ZC3H7A: variants seen among roughly 807,000 people sequenced by gnomAD.
ZC3H7A encodes the protein zinc finger CCCH-type containing 7A, also known as zinc finger CCCH domain-containing protein 7A.
Under a neutral mutation model 125.5 loss-of-function variants are expected in ZC3H7A, and 44 were observed. The ratio of observed to expected loss-of-function variants is 0.35; its 90% CI spans 0.28 to 0.45. ZC3H7A has a LOEUF of 0.45. Among genes scored for constraint, ZC3H7A ranks in the 20% least tolerant of loss-of-function variants. The probability of loss-of-function intolerance (pLI) is 1.00; values close to 1 mark genes in which losing one functional copy is unlikely to be tolerated. For missense variants in ZC3H7A, 977 were observed against 1,170.7 expected (o/e 0.83, Z 2.41); for synonymous variants, 399 against 391.2 (o/e 1.02, Z -0.23).
At chr16:11,789,739 C>T (rs941928703) in intron 1 of ZC3H7A, among the ~76,000 whole-genome samples, 1 of 151,992 alleles carries the variant, frequency 6.6e-6, no homozygotes, top group African/African-American at 2.4e-5. Flanking sequence ...TAAAGGTCAC[C>T]ATGTACACAG....
chr16:11,791,982 G>A (rs2141222980), intron 1 of ZC3H7A, among the ~76,000 whole-genome samples: 1 of 152,272 alleles, frequency 6.6e-6, no homozygotes, highest in African/African-American at 2.4e-5. Flanking sequence ...CACAACCATA[G>A]CTCACTGCAG....
In ZC3H7A at chr16:11,752,663, A is replaced by G; in HGVS notation, c.2726+6T>C. Reference sequence around the variant, plus strand: ...TGACATGGAAAAATTGTAGAAACCTACATACCTATCACAAATACTGAAATA... The same window carrying G: ...TGACATGGAAAAATTGTAGAAACCTGCATACCTATCACAAATACTGAAATA... On this transcript the variant is annotated splice_donor_region_variant and intron_variant, in intron 22 of 22. Coordinates refer to ENST00000355758, the MANE Select transcript of ZC3H7A (RefSeq NM_014153.4). The G allele has an allele frequency of 6.2e-7, 1 of 1,609,872 alleles. No individual in the cohort carries two copies. The highest frequency in any genetic ancestry group is 8.5e-7 in the Non-Finnish European group (1 of 1,178,782).
At chr16:11,790,416 T>C (rs1277661061) in intron 1 of ZC3H7A, among the ~76,000 whole-genome samples, 1 of 152,232 alleles carries the variant, frequency 6.6e-6, no homozygotes, top group African/African-American at 2.4e-5. Context: ...GCTTTACTTA[T>C]TTATGGAAGC....
intron 15 of ZC3H7A, among the ~76,000 whole-genome samples, chr16:11,764,184 G>A (rs1262691809): frequency 2.6e-5 from 4 of 152,258 alleles, no homozygotes; most frequent in East Asian, 1.9e-4. Context: ...AGGCCAAGAC[G>A]GGTGGATCAC....
chr16:11,759,050 G>A (rs1439078763), intron 19 of ZC3H7A: 2 of 153,090 alleles, frequency 1.3e-5, no homozygotes, highest in Non-Finnish European at 2.9e-5. Flanking sequence ...ATTATCAGAA[G>A]ACAATTATCA....
rs562316925 is a variant in ZC3H7A, at chr16:11,785,841, G to A, written c.-34-3453C>T. On this transcript the variant is annotated intron_variant, in intron 1 of 22. Coordinates refer to ENST00000355758, the MANE Select transcript of ZC3H7A (RefSeq NM_014153.4). ...TCACCGCGTTAGCCAGGATGGTCTCGATCTCCTGACCTCATGATCTGCTCA... is the reference window on the plus strand; with the variant it reads ...TCACCGCGTTAGCCAGGATGGTCTCAATCTCCTGACCTCATGATCTGCTCA... Among the ~76,000 whole-genome samples, 111 of 152,248 alleles carry A rather than the reference G, an allele frequency of 7.3e-4. 1 individual carries two copies. Among genetic ancestry groups the A allele is most frequent in the Middle Eastern group, 3.4e-3 (1 of 294 alleles).
intron 11 of ZC3H7A, 142 bp downstream of exon 11, chr16:11,768,889 C>G: frequency 1.3e-6 from 1 of 785,554 alleles, no homozygotes; most frequent in African/African-American, 1.8e-5. Context: ...ACTAGATGTT[C>G]CAGAAGTCTT....
At position 11,776,912 on chromosome 16, in the gene ZC3H7A, G is replaced by A. The variant is rs1257045903; in HGVS notation, c.307-3C>T. The A allele has an allele frequency of 1.3e-6, 2 of 1,586,302 alleles. No homozygotes were observed. The highest frequency in any genetic ancestry group is 2.3e-5 in the South Asian group (2 of 86,076). On this transcript the variant is annotated splice_polypyrimidine_tract_variant and splice_region_variant and intron_variant, in intron 4 of 22. Transcript: ENST00000355758. ...TCCAAAACTTTATCATGGAAACCCT[G>A]GTGTGTAAGACCAAAGAATAAAGTC...
Position 11,758,430 on chromosome 16 carries a change from C to A in ZC3H7A, c.2428+1G>T. 1 of 1,605,890 alleles carries A rather than the reference C, an allele frequency of 6.2e-7. No individual in the cohort carries two copies. Among genetic ancestry groups the A allele is most frequent in the Non-Finnish European group, 8.5e-7 (1 of 1,172,600 alleles). On this transcript the variant is annotated splice_donor_variant, in intron 20 of 22. Transcript: ENST00000355758. LOFTEE classifies it high-confidence loss of function. The stretch of plus-strand genomic sequence containing the variant: ...AGGACACAGCTAAAAGATTAACTTA[C>A]TCCCATTCTCCTTCATGTAAGTCCA...
At chr16:11,763,839 T>G (rs1211679849) in intron 15 of ZC3H7A, among the ~76,000 whole-genome samples, 180 bp from the exon 16 acceptor site, 6 of 145,534 alleles carry the variant, frequency 4.1e-5, no homozygotes, top group Admixed American at 2.7e-4. Flanking sequence ...AGTCTCACTC[T>G]ATCGCCCAGG....
intron 20 of ZC3H7A, 25 bp downstream of exon 20, chr16:11,758,406 G>T (rs1296353836): frequency 1.9e-6 from 3 of 1,549,574 alleles, no homozygotes; most frequent in Non-Finnish European, 2.7e-6. Flanking sequence ...GCTAGCTCAA[G>T]GACACAGCTA....
Position 11,774,999 on chromosome 16 carries a change from A to G in ZC3H7A, c.600T>C (p.Ser200=). ...GDGATKALNH[S]VEDIEPDLLT... ...ACATACCTGGCTCAATATCTTCCAC[A>G]GAATGGTTCAAAGCCTAGAAATTAA... Residue 200 remains serine (S), a synonymous_variant, in exon 8 of 23, where the codon TCT becomes TCC. Coordinates refer to ENST00000355758, the MANE Select transcript of ZC3H7A (RefSeq NM_014153.4). 6.2e-7 allele frequency: 1 copy of G among 1,614,212 alleles called. No homozygotes were observed. The highest frequency in any genetic ancestry group is 2.2e-5 in the East Asian group (1 of 44,888).
chr16:11,775,763 TA>T (rs1437351666), intron 7 of ZC3H7A: 3 of 152,302 alleles, frequency 2.0e-5, no homozygotes, highest in African/African-American at 7.2e-5. Flanking sequence ...CACTGAAACC[TA>T]ACATCTATTA....
chr16:11,779,110 G>A lies in ZC3H7A; in HGVS notation c.306+56C>T. ...AATTGACTTTTTATTAATGTACTAA[G>A]TCATTGAAAAAATTCTTTTCACTCT... On this transcript the variant is annotated intron_variant, in intron 4 of 22. Transcript: ENST00000355758. 6 of 1,379,884 alleles carry A rather than the reference G, an allele frequency of 4.3e-6. No individual in the cohort carries two copies. In the South Asian group the frequency reaches 6.5e-5, roughly 15 times the overall value. The allele number at this position is 1,379,884 out of a possible 1,614,324, so 85.5% of individuals were successfully genotyped here.
At chr16:11,751,568 T>A (rs2141147685) in intron 22 of ZC3H7A, 62 bp from the exon 23 acceptor site, 1 of 1,508,732 alleles carries the variant, frequency 6.6e-7, no homozygotes, top group Non-Finnish European at 9.0e-7. Context: ...CGTGTCATGA[T>A]TCTTGAAACT....
chr16:11,795,226 C>T (rs1230756966), intron 1 of ZC3H7A, among the ~76,000 whole-genome samples: 1 of 152,154 alleles, frequency 6.6e-6, no homozygotes, highest in Non-Finnish European at 1.5e-5. Flanking sequence ...AACAGTTTGG[C>T]TCAGTATGAG....
rs994524960 is a variant in ZC3H7A at position 11,766,276 on chromosome 16, G to C, written c.1523-591C>G. Among the ~76,000 whole-genome samples the C allele has an allele frequency of 3.9e-5, 6 of 152,250 alleles. No homozygotes were observed. In the South Asian group the frequency reaches 8.3e-4, roughly 21 times the overall value. On this transcript the variant is annotated intron_variant, in intron 13 of 22. Transcript: ENST00000355758. ...TGAGACAGTCTTCTGTTTAAAATCT[G>C]GTCATAGGCCAAGCGTGGTGGCTCA...
intron 4 of ZC3H7A, among the ~76,000 whole-genome samples, chr16:11,778,165 G>A (rs965192020): frequency 7.2e-5 from 11 of 151,790 alleles, no homozygotes; most frequent in Admixed American, 2.0e-4. Context: ...CGCCAGGCAC[G>A]GTGGCTCACG....
intron 9 of ZC3H7A, among the ~76,000 whole-genome samples, chr16:11,773,892 T>A (rs1177272201): frequency 2.6e-5 from 4 of 151,818 alleles, no homozygotes; most frequent in Admixed American, 1.3e-4. Context: ...CAAAAAAAAA[T>A]AAATAAATAA....
Sources: gnomAD v4.1 joint callset for allele counts (sites outside exome capture counted in the v4.1 genomes callset) on GRCh38, gnomAD v4.1.1 for gene constraint, MANE v1.5 for transcripts, NCBI Gene and HGNC (gene_info 2026-07-23, HGNC 2026-07-21) for gene names.